Variants in MYH16 observed in about 807,000 individuals in gnomAD.
MYH16 encodes myosin heavy chain 16, also known as putative uncharacterized protein MYH16.
chr7:99,249,008 A>G (rs1791775165), exon 4 of MYH16: 1 of 152,684 alleles, frequency 6.5e-6, no homozygotes, highest in Non-Finnish European at 1.5e-5. Flanking sequence ...GAATCAGTCT[A>G]TGCTAATCAC....
intron 38 of MYH16, among the ~76,000 whole-genome samples, chr7:99,302,590 T>C (rs1792616305): frequency 1.3e-5 from 2 of 151,142 alleles, no homozygotes; most frequent in African/African-American, 4.9e-5. Flanking sequence ...AAATAAAATA[T>C]ATAATCCTGG....
At chr7:99,276,591 C>T (rs1002470187) in intron 20 of MYH16, among the ~76,000 whole-genome samples, 9 of 152,238 alleles carry the variant, frequency 5.9e-5, no homozygotes, top group South Asian at 2.1e-4. Flanking sequence ...GTGCAGAGCA[C>T]GAGCAAATGC....
intron 4 of MYH16, among the ~76,000 whole-genome samples, chr7:99,249,641 C>T (rs1474271970): frequency 9.5e-5 from 14 of 147,664 alleles, no homozygotes; most frequent in East Asian, 4.0e-4. Flanking sequence ...GTGCAGCCTC[C>T]ACCTCCTGGG....
chr7:99,298,102 A>C (rs1792530334), intron 36 of MYH16, 107 bp downstream of exon 17: 1 of 403,272 alleles, frequency 2.5e-6, no homozygotes, highest in African/African-American at 2.1e-5. Flanking sequence ...TGGGCAATTC[A>C]GGTGAACCTT....
In MYH16 at chr7:99,273,994, C is replaced by T. The variant is rs903244952; in HGVS notation, n.2485+571C>T. Among the ~76,000 whole-genome samples, 78 of 152,202 alleles carry T rather than the reference C, an allele frequency of 5.1e-4. 1 individual carries two copies. The highest frequency in any genetic ancestry group is 4.4e-5 in the Non-Finnish European group (3 of 68,042). On this transcript the variant is annotated intron_variant and non_coding_transcript_variant, in intron 20 of 41. Transcript: ENST00000439784. ...AATAAAATCCACTTAAGATGGAGAGCGCCATACCACCCCCACCAAAAAAAG... is the reference window on the plus strand; with the variant it reads ...AATAAAATCCACTTAAGATGGAGAGTGCCATACCACCCCCACCAAAAAAAG...
intron 6 of MYH16, among the ~76,000 whole-genome samples, chr7:99,251,909 G>A (rs1791812288): frequency 6.6e-6 from 1 of 152,134 alleles, no homozygotes; most frequent in Admixed American, 6.6e-5. Context: ...GGAAGTCAAG[G>A]TTGCAATGAG....
At chr7:99,279,685 G>A (rs907395554) in exon 22 of MYH16, 13 of 456,416 alleles carry the variant, frequency 2.8e-5, no homozygotes, top group South Asian at 1.1e-4. Context: ...GACCTGAAGC[G>A]GGACCTAGAG....
chr7:99,288,710 AAAAAT>A (rs1196525210), intron 29 of MYH16, among the ~76,000 whole-genome samples: 1 of 152,120 alleles, frequency 6.6e-6, no homozygotes, highest in Non-Finnish European at 1.5e-5. Context: ...AAATAAAATA[AAAAAT>A]AAAATAACCT....
At chr7:99,266,742 C>G (rs557322601) in intron 17 of MYH16, 1 of 152,758 alleles carries the variant, frequency 6.5e-6, no homozygotes, top group South Asian at 2.1e-4. Flanking sequence ...TCAAACAAGT[C>G]TAATCTCTGT....
chr7:99,291,266 A>G, intron 30 of MYH16, 57 bp from the exon 12 acceptor site: 1 of 444,874 alleles, frequency 2.2e-6, no homozygotes, highest in Non-Finnish European at 4.5e-6. Context: ...GGAACTTTGG[A>G]TCTGGCTGGG....
At chr7:99,288,592 A>G (rs997345574) in intron 29 of MYH16, among the ~76,000 whole-genome samples, 8 of 151,116 alleles carry the variant, frequency 5.3e-5, no homozygotes, top group Non-Finnish European at 1.0e-4. Flanking sequence ...TCTACTAAAA[A>G]TACAAAAATT....
chr7:99,296,727 C>A (rs1458562576), exon 34 of MYH16: 1 of 456,132 alleles, frequency 2.2e-6, no homozygotes. Context: ...CTGCCCTGGA[C>A]AAGAAGCAGA....
At chr7:99,249,517 C>T (rs1272804258) in intron 4 of MYH16, among the ~76,000 whole-genome samples, 22 of 130,028 alleles carry the variant, frequency 1.7e-4, no homozygotes, top group Admixed American at 6.2e-4. Context: ...CCAGCCTGGA[C>T]GACAGAGCAA....
At position 99,289,412 on chromosome 7, in the gene MYH16, C is replaced by G. The variant is rs1792336883; in HGVS notation, n.3824+8C>G. The G allele has an allele frequency of 2.4e-6, 1 of 420,162 alleles. No homozygotes were observed. Among genetic ancestry groups the G allele is most frequent in the African/African-American group, 2.1e-5 (1 of 48,470 alleles). 26.0% of individuals were successfully genotyped at this position (420,162 alleles called of 1,614,324 possible). ...TCAGGACCCGCCTCCAAGGTGAGCC[C>G]TCTCCGCCCTGAGCTTGCTAAGGAG... On this transcript the variant is annotated splice_region_variant and intron_variant and non_coding_transcript_variant, in intron 30 of 41. Transcript: ENST00000439784.
exon 31 of MYH16, chr7:99,291,413 T>C (rs577998669): frequency 8.8e-6 from 4 of 456,192 alleles, no homozygotes; most frequent in Non-Finnish European, 1.8e-5. Context: ...ACGTCACAAG[T>C]GGATGATTAC....
At chr7:99,255,530 A>C (rs1584342747) in intron 8 of MYH16, 1 of 152,846 alleles carries the variant, frequency 6.5e-6, no homozygotes, top group African/African-American at 2.4e-5. Context: ...GAGATGGCAG[A>C]GAAGAAAACC....
chr7:99,307,989 C>T (rs943909934), downstream of MYH16, among the ~76,000 whole-genome samples: 1 of 152,054 alleles, frequency 6.6e-6, no homozygotes, highest in Admixed American at 6.6e-5. Context: ...GCTGGGATTA[C>T]AGGCATGAGC....
At chr7:99,274,642 T>C (rs555356278) in intron 20 of MYH16, among the ~76,000 whole-genome samples, 1 of 151,390 alleles carries the variant, frequency 6.6e-6, no homozygotes, top group South Asian at 2.1e-4. Flanking sequence ...GCCTGTTCCA[T>C]GACTCACCTT....
chr7:99,242,198 A>G (rs1463960430), intron 1 of MYH16, among the ~76,000 whole-genome samples: 1 of 152,178 alleles, frequency 6.6e-6, no homozygotes, highest in Non-Finnish European at 1.5e-5. Context: ...GGGGTGCAGC[A>G]TGGGGAAGAG....
Sources: allele counts gnomAD v4.1 joint callset (sites outside exome capture counted in the v4.1 genomes callset), GRCh38; gene constraint gnomAD v4.1.1; transcripts MANE v1.5; gene names NCBI Gene and HGNC (gene_info 2026-07-23, HGNC 2026-07-21).